Variants in SYT6 observed in about 807,000 individuals in gnomAD.
SYT6 encodes the protein synaptotagmin 6.
In SYT6, 24 loss-of-function variants were observed where a neutral mutation model predicts 38.4. The observed-to-expected ratio is 0.62, with a 90% confidence interval of 0.45 to 0.88. SYT6 has a LOEUF of 0.88. Ranked by LOEUF, SYT6 falls within the 40% of genes least tolerant of loss-of-function variation. SYT6 has a pLI of 0.00. For missense variants in SYT6, 611 were observed against 621.0 expected, an observed-to-expected ratio of 0.98 and a Z score of 0.17; for synonymous variants, 265 against 241.9, an observed-to-expected ratio of 1.10 and a Z score of -0.89.
At chr1:114,149,220 T>TGTGTGTGTGTGTGC (rs1679311389) in intron 1 of SYT6, among the ~76,000 whole-genome samples, 1 of 113,954 alleles carries the variant, frequency 8.8e-6, no homozygotes, top group African/African-American at 3.1e-5. Context: ...AGAGAGATTG[T>TGTGTGTGTGTGTGC]GTGTGTGTGT....
At position 114,097,843 on chromosome 1, in the gene SYT6, C is replaced by T; in HGVS notation, c.1399G>A (p.Val467Met). The T allele has an allele frequency of 6.2e-7, 1 of 1,614,236 alleles. No individual in the cohort carries two copies. The highest frequency in any genetic ancestry group is 1.1e-5 in the South Asian group (1 of 91,090). The change falls in exon 6 of 8, where the codon GTG (valine) becomes ATG (methionine). Residue 467 changes from valine to methionine, a missense_variant. Coordinates refer to ENST00000610222, the MANE Select transcript of SYT6 (RefSeq NM_001253772.2). ...GHNEIIGVCR[V>M]GITAEGLGRD... ...CCCAGGCCTTCAGCAGTGATCCCCA[C>T]ACGACAGACTCCTATGATCTCATTG...
intron 3 of SYT6, among the ~76,000 whole-genome samples, chr1:114,115,660 C>G (rs1676950644): frequency 6.6e-6 from 1 of 152,082 alleles, no homozygotes; most frequent in South Asian, 2.1e-4. Flanking sequence ...CATGATCTGC[C>G]CGCCTCGGCC....
At position 114,122,442 on chromosome 1, in the gene SYT6, T is replaced by C. The variant is rs933340568; in HGVS notation, c.1071+15053A>G. Among the ~76,000 whole-genome samples, 7 of 152,054 alleles carry C rather than the reference T, an allele frequency of 4.6e-5. 1 individual carries two copies. The highest frequency in any genetic ancestry group is 1.0e-4 in the Non-Finnish European group (7 of 68,020). On this transcript the variant is annotated intron_variant, in intron 3 of 7. Transcript: ENST00000610222. ...CAAGATGGAACAGGAATGAGCACTT[T>C]GCTGCTTCCCTGGCGTGTGATGGAC...
Position 114,137,850 on chromosome 1 carries a change from T to C in SYT6, c.716A>G (p.Tyr239Cys). Residue 239 changes from tyrosine (Y) to cysteine (C), a missense_variant, in exon 3 of 8, where the codon TAC becomes TGC. Coordinates refer to ENST00000610222, the MANE Select transcript of SYT6 (RefSeq NM_001253772.2). ...AATCAGGGTCTCGGTCTCGTAATCG[T>C]AGCGTAGGCTGAAGTTGATCTTCCC... ...SCGKINFSLR[Y>C]DYETETLIVR... The C allele has an allele frequency of 5.6e-6, 9 of 1,614,022 alleles. No homozygotes were observed. The highest frequency in any genetic ancestry group is 6.8e-6 in the Non-Finnish European group (8 of 1,180,004).
intron 3 of SYT6, among the ~76,000 whole-genome samples, chr1:114,115,928 C>A (rs1290582684): frequency 6.6e-6 from 1 of 152,112 alleles, no homozygotes; most frequent in African/African-American, 2.4e-5. Context: ...TGCTCCACCC[C>A]ACTCCACCCC....
At chr1:114,127,166 C>G (rs1368114929) in intron 3 of SYT6, among the ~76,000 whole-genome samples, 1 of 152,204 alleles carries the variant, frequency 6.6e-6, no homozygotes, top group African/African-American at 2.4e-5. Context: ...GAGCCAAGAA[C>G]AGCTACAGGT....
chr1:114,151,819 A>G (rs1679451231), intron 1 of SYT6, among the ~76,000 whole-genome samples: 1 of 152,104 alleles, frequency 6.6e-6, no homozygotes. Flanking sequence ...GGCACCAGAG[A>G]ACCAGAGTCT....
At chr1:114,127,230 C>G (rs1348650440) in intron 3 of SYT6, among the ~76,000 whole-genome samples, 5 of 152,210 alleles carry the variant, frequency 3.3e-5, no homozygotes, top group Non-Finnish European at 7.3e-5. Context: ...GCAGCAGGAA[C>G]AGTTTGTGGA....
In SYT6 at chr1:114,089,500, A is replaced by C. The variant is rs1017447987; in HGVS notation, c.*2634T>G. The C allele has an allele frequency of 2.0e-5, 3 of 152,424 alleles. No homozygotes were observed. Among genetic ancestry groups the C allele is most frequent in the African/African-American group, 7.2e-5 (3 of 41,430 alleles). The allele number at this position is 152,424 out of a possible 1,614,324, so 9.4% of individuals were successfully genotyped here. A position where few individuals can be genotyped will look rare whatever the true frequency, so the allele number is the denominator to read the frequency against. ...GGAACTTTTCATGTTTTTTAAAAAA[A>C]CCTATGTGCAAATGGCCCTGGTTAT... On this transcript the variant is annotated 3_prime_UTR_variant, in exon 8 of 8. Transcript: ENST00000610222.
chr1:114,093,708 G>C, intron 7 of SYT6, 27 bp downstream of exon 7: 1 of 1,607,042 alleles, frequency 6.2e-7, no homozygotes. Flanking sequence ...GCAACCTAAC[G>C]TCTTTGGGTC....
chr1:114,097,859 G>C lies in SYT6; in HGVS notation c.1383C>G (p.Ile461Met). The change falls in exon 6 of 8, where the codon ATC becomes ATG. Residue 461 changes from isoleucine to methionine, a missense_variant. Transcript: ENST00000610222. ...MDYDRVGHNE[I>M]IGVCRVGITA... is the part of the protein sequence containing the mutation. ...TGATCCCCACACGACAGACTCCTAT[G>C]ATCTCATTGTGGCCCACTCTGAGGG... 6.2e-7 allele frequency: 1 copy of C among 1,614,204 alleles called. No individual in the cohort carries two copies. The highest frequency in any genetic ancestry group is 8.5e-7 in the Non-Finnish European group (1 of 1,180,018).
intron 3 of SYT6, among the ~76,000 whole-genome samples, chr1:114,113,070 A>G (rs2101017188): frequency 6.6e-6 from 1 of 152,340 alleles, no homozygotes. Flanking sequence ...GCACTGCGTG[A>G]CAGTGGCTTT....
At chr1:114,135,455 G>T (rs1678420585) in intron 3 of SYT6, among the ~76,000 whole-genome samples, 1 of 152,156 alleles carries the variant, frequency 6.6e-6, no homozygotes, top group South Asian at 2.1e-4. Flanking sequence ...TCAACCCCAT[G>T]CCTGGCACAG....
At chr1:114,095,309 G>T (rs932998524) in intron 6 of SYT6, among the ~76,000 whole-genome samples, 6 of 152,218 alleles carry the variant, frequency 3.9e-5, no homozygotes, top group African/African-American at 1.4e-4. Context: ...GTGAGTTAGA[G>T]TTCTCAAAGA....
intron 3 of SYT6, among the ~76,000 whole-genome samples, chr1:114,107,071 G>A (rs1404235320): frequency 6.6e-6 from 1 of 152,208 alleles, no homozygotes; most frequent in South Asian, 2.1e-4. Context: ...CCCTCTGAGA[G>A]GGAGCAAACA....
At chr1:114,099,767 T>C (rs1029772786) in intron 4 of SYT6, among the ~76,000 whole-genome samples, 2 of 152,004 alleles carry the variant, frequency 1.3e-5, no homozygotes, top group African/African-American at 2.4e-5. Context: ...GGAGACACAA[T>C]GTGTCAGAGT....
intron 1 of SYT6, among the ~76,000 whole-genome samples, chr1:114,149,060 A>G (rs1004699965): frequency 6.6e-6 from 1 of 152,140 alleles, no homozygotes; most frequent in African/African-American, 2.4e-5. Context: ...ACAGAGCCCC[A>G]GAGACTCAGA....
intron 3 of SYT6, among the ~76,000 whole-genome samples, chr1:114,109,296 G>C (rs1310621155): frequency 6.6e-6 from 1 of 152,194 alleles, no homozygotes; most frequent in Non-Finnish European, 1.5e-5. Context: ...CACGAATGGG[G>C]TCTGGTTTTA....
chr1:114,098,664 T>C (rs1016755362), intron 5 of SYT6, among the ~76,000 whole-genome samples: 2 of 152,116 alleles, frequency 1.3e-5, no homozygotes, highest in Non-Finnish European at 2.9e-5. Flanking sequence ...GATGTGTCCT[T>C]AGTATGTTGA....
Sources: allele counts gnomAD v4.1 joint callset (sites outside exome capture counted in the v4.1 genomes callset), GRCh38; gene constraint gnomAD v4.1.1; transcripts MANE v1.5; gene names NCBI Gene and HGNC (gene_info 2026-07-23, HGNC 2026-07-21).